EMCN: variants seen among roughly 807,000 people sequenced by gnomAD.
The protein encoded by EMCN is endomucin.
In EMCN, 37 loss-of-function variants were observed where a neutral mutation model predicts 38.4. The ratio of observed to expected loss-of-function variants is 0.96; its 90% CI spans 0.74 to 1.27. The LOEUF is 1.27. EMCN is among the 50% of genes most tolerant of loss of function. The pLI is 0.00. For missense variants in EMCN, 318 were observed against 302.8 expected (o/e 1.05, Z -0.37); for synonymous variants, 95 against 100.8 (o/e 0.94, Z 0.35).
intron 1 of EMCN, among the ~76,000 whole-genome samples, chr4:100,512,654 A>C (rs1264503042): frequency 1.3e-5 from 2 of 151,850 alleles, no homozygotes; most frequent in Non-Finnish European, 2.9e-5. Flanking sequence ...AAAATAAAAA[A>C]ATTTAGCTGG....
intron 5 of EMCN, among the ~76,000 whole-genome samples, chr4:100,432,025 T>C (rs920788413): frequency 6.6e-6 from 1 of 152,190 alleles, no homozygotes; most frequent in African/African-American, 2.4e-5. Flanking sequence ...TAGCTCTGCC[T>C]GTCTGTGTGA....
chr4:100,471,590 G>A (rs1192815876), intron 3 of EMCN, among the ~76,000 whole-genome samples: 4 of 151,916 alleles, frequency 2.6e-5, no homozygotes, highest in Non-Finnish European at 5.9e-5. Context: ...CTTATTCTAT[G>A]AGGCTAGTAT....
chr4:100,424,819 A>G (rs1726998042), intron 5 of EMCN, among the ~76,000 whole-genome samples: 1 of 152,102 alleles, frequency 6.6e-6, no homozygotes, highest in South Asian at 2.1e-4. Context: ...GGTGGAAAAG[A>G]AGGTGGCTGA....
chr4:100,429,112 C>T (rs762593661), intron 5 of EMCN, among the ~76,000 whole-genome samples: 5 of 152,016 alleles, frequency 3.3e-5, no homozygotes, highest in Non-Finnish European at 7.4e-5. Context: ...TAAACAGGCC[C>T]CTTCTAAGAG....
At chr4:100,409,776 A>G (rs1277869973) in intron 11 of EMCN, among the ~76,000 whole-genome samples, 1 of 152,222 alleles carries the variant, frequency 6.6e-6, no homozygotes, top group African/African-American at 2.4e-5. Flanking sequence ...TTATAGAGAG[A>G]GGGCAATTAG....
intron 11 of EMCN, among the ~76,000 whole-genome samples, chr4:100,403,594 ATGGGACTGC>A (rs1560601159): frequency 1.3e-5 from 2 of 151,968 alleles, no homozygotes; most frequent in East Asian, 3.9e-4. Flanking sequence ...GTATCTAGTA[ATGGGACTGC>A]TGGGTTGAAT....
At chr4:100,417,411 A>G (rs1430316311) in intron 8 of EMCN, among the ~76,000 whole-genome samples, 1 of 152,190 alleles carries the variant, frequency 6.6e-6, no homozygotes, top group Non-Finnish European at 1.5e-5. Context: ...TCATATCACT[A>G]TGTGAAATTA....
At chr4:100,492,501 G>A (rs1252325889) in intron 1 of EMCN, among the ~76,000 whole-genome samples, 3 of 152,066 alleles carry the variant, frequency 2.0e-5, no homozygotes, top group Non-Finnish European at 4.4e-5. Flanking sequence ...AAGAAGTAAT[G>A]GCTGAAAACT....
intron 11 of EMCN, among the ~76,000 whole-genome samples, chr4:100,401,911 T>G (rs1027280633): frequency 7.2e-5 from 11 of 152,148 alleles, no homozygotes; most frequent in African/African-American, 2.4e-4. Flanking sequence ...TTGACAACAG[T>G]GCAGAGTTGG....
chr4:100,401,290 TA>T (rs770458929), intron 11 of EMCN, among the ~76,000 whole-genome samples: 3 of 152,094 alleles, frequency 2.0e-5, no homozygotes, highest in African/African-American at 4.8e-5. Flanking sequence ...AATACATTAA[TA>T]AAAAATAATA....
chr4:100,422,254 A>G (rs906816484), intron 7 of EMCN, among the ~76,000 whole-genome samples: 3 of 152,206 alleles, frequency 2.0e-5, no homozygotes, highest in Admixed American at 6.6e-5. Flanking sequence ...GTTTTAAGTA[A>G]GTTCTGCTGA....
chr4:100,412,397 T>C (rs1726588109), intron 10 of EMCN, among the ~76,000 whole-genome samples: 1 of 152,200 alleles, frequency 6.6e-6, no homozygotes, highest in South Asian at 2.1e-4. Context: ...TGGTTCAAAA[T>C]CAACTGATGC....
intron 1 of EMCN, among the ~76,000 whole-genome samples, chr4:100,480,336 A>G (rs377530843): frequency 2.6e-5 from 4 of 152,010 alleles, no homozygotes; most frequent in Non-Finnish European, 5.9e-5. Context: ...TTTTAATCCA[A>G]CGAAACTAAC....
At chr4:100,504,703 C>T (rs1222892220) in intron 1 of EMCN, among the ~76,000 whole-genome samples, 2 of 152,206 alleles carry the variant, frequency 1.3e-5, no homozygotes, top group Non-Finnish European at 2.9e-5. Context: ...GGGAAGACGC[C>T]TTTTGCCAAG....
Position 100,475,086 on chromosome 4 carries a change from T to C in EMCN, c.211A>G (p.Lys71Glu). ...GTAGCTGTTGACATCAGAGACATTT[T>C]AAGTAATTCATTGGTGATTGTTCCT... ...PKGTITNELL[K>E]MSLMSTATFL... Residue 71 changes from lysine (K) to glutamate (E), a missense_variant, in exon 3 of 12, where the codon AAA becomes GAA. Coordinates refer to ENST00000296420, the MANE Select transcript of EMCN (RefSeq NM_016242.4). 6.5e-7 allele frequency: 1 copy of C among 1,532,982 alleles called. No homozygotes were observed. The highest frequency in any genetic ancestry group is 8.9e-7 in the Non-Finnish European group (1 of 1,125,282). The allele number at this position is 1,532,982 out of a possible 1,614,324, so 95.0% of individuals were successfully genotyped here.
intron 5 of EMCN, among the ~76,000 whole-genome samples, chr4:100,442,485 CTCTT>C (rs1292711249): frequency 6.6e-5 from 10 of 152,068 alleles, no homozygotes; most frequent in Admixed American, 6.6e-4. Context: ...AGCTTTCTGT[CTCTT>C]TCTTTGTCTC....
At chr4:100,414,208 G>A (rs1309309447) in intron 10 of EMCN, among the ~76,000 whole-genome samples, 1 of 152,142 alleles carries the variant, frequency 6.6e-6, no homozygotes. Context: ...CAACATGACT[G>A]CAGAGGGTTT....
At chr4:100,510,501 T>C (rs1166186627) in intron 1 of EMCN, among the ~76,000 whole-genome samples, 3 of 152,178 alleles carry the variant, frequency 2.0e-5, no homozygotes, top group African/African-American at 4.8e-5. Context: ...AGAAATAAAA[T>C]ATTTCATCTA....
chr4:100,516,367 A>G (rs1026100963), intron 1 of EMCN, among the ~76,000 whole-genome samples: 1 of 151,938 alleles, frequency 6.6e-6, no homozygotes, highest in Non-Finnish European at 1.5e-5. Context: ...AAAGTATTGC[A>G]CTCGTCGATG....
Sources: allele counts gnomAD v4.1 joint callset (sites outside exome capture counted in the v4.1 genomes callset), GRCh38; gene constraint gnomAD v4.1.1; transcripts MANE v1.5; gene names NCBI Gene and HGNC (gene_info 2026-07-23, HGNC 2026-07-21).